The following NPRL3 variants were observed in gnomAD, a reference collection of about 807,000 sequenced individuals.
NPRL3 encodes the protein NPR3 like, GATOR1 complex subunit, also known as GATOR1 complex protein NPRL3.
In NPRL3, 23 loss-of-function variants were observed where a neutral mutation model predicts 57.2. That is an observed-to-expected ratio of 0.40 (90% CI 0.29 to 0.57). NPRL3 has a LOEUF of 0.57. Ranked by LOEUF, NPRL3 falls within the 20% of genes least tolerant of loss-of-function variation. NPRL3 has a pLI of 0.42. For missense variants in NPRL3, 691 were observed against 767.1 expected (o/e 0.90, Z 1.17); for synonymous variants, 333 against 321.1 (o/e 1.04, Z -0.39).
intron 2 of NPRL3, among the ~76,000 whole-genome samples, chr16:133,383 G>A (rs893698774): frequency 1.3e-5 from 2 of 151,856 alleles, no homozygotes; most frequent in Admixed American, 1.3e-4. Flanking sequence ...GGGCCAACAC[G>A]CCCAGCTAAT....
At chr16:100,864 G>A (rs12918303) in intron 7 of NPRL3, among the ~76,000 whole-genome samples, 54,969 of 147,730 alleles carry the variant, frequency 0.37, 11,451 homozygotes, top group Non-Finnish European at 0.48. Flanking sequence ...CCAGCTACTC[G>A]GGAGGCTGAG....
intron 2 of NPRL3, among the ~76,000 whole-genome samples, chr16:135,217 T>G (rs542575956): frequency 6.6e-6 from 1 of 152,232 alleles, no homozygotes; most frequent in Non-Finnish European, 1.5e-5. Flanking sequence ...TTTGGCCACG[T>G]TGTGGCCTGT....
At chr16:119,464 G>A (rs1417629810) in intron 3 of NPRL3, 2 of 588,734 alleles carry the variant, frequency 3.4e-6, no homozygotes, top group Non-Finnish European at 6.0e-6. Context: ...AAGGTAAAAG[G>A]CATGAGAAGC....
In NPRL3 at chr16:133,509, C is replaced by T. The variant is rs535851685; in HGVS notation, c.119-2918G>A. Among the ~76,000 whole-genome samples, 21 of 150,128 alleles carry T rather than the reference C, an allele frequency of 1.4e-4. No individual in the cohort carries two copies. In the East Asian group the frequency reaches 3.9e-3, roughly 28 times the overall value. Reference sequence around the variant, plus strand: ...CTTCCCAAAGTGCTAGGATTACAGGCATGAGCCACTGTGCCTAGCGTTGTT... The same window carrying T: ...CTTCCCAAAGTGCTAGGATTACAGGTATGAGCCACTGTGCCTAGCGTTGTT... On this transcript the variant is annotated intron_variant, in intron 2 of 13. Transcript: ENST00000611875.
intron 2 of NPRL3, among the ~76,000 whole-genome samples, chr16:136,807 C>T (rs1901110176): frequency 6.6e-6 from 1 of 151,738 alleles, no homozygotes; most frequent in African/African-American, 2.4e-5. Flanking sequence ...GGCTGGGGGC[C>T]AATAGTAGGA....
chr16:96,747 C>G (rs1260065007), intron 9 of NPRL3, among the ~76,000 whole-genome samples: 1 of 151,784 alleles, frequency 6.6e-6, no homozygotes, highest in Non-Finnish European at 1.5e-5. Context: ...ATGGCACCAC[C>G]ACATGCCAGC....
chr16:91,057 A>T (rs1898742737), intron 11 of NPRL3: 1 of 151,420 alleles, frequency 6.6e-6, no homozygotes, highest in African/African-American at 2.4e-5. Flanking sequence ...TTCAGCCTGG[A>T]CAACAAAGCA....
Position 98,168 on chromosome 16 carries a change from C to T in NPRL3, c.901G>A (p.Asp301Asn). 1 of 1,613,904 alleles carries T rather than the reference C, an allele frequency of 6.2e-7. No homozygotes were observed. The highest frequency in any genetic ancestry group is 1.3e-5 in the African/African-American group (1 of 75,076). Residue 301 changes from aspartate (D) to asparagine (N), a missense_variant, in exon 9 of 14, where the codon GAT becomes AAT. Physicochemically the swap from Asp to Asn is conservative, Grantham distance 23. Transcript: ENST00000611875. ...ACCTGCAGCAAGGCCAGGTCCGCAT[C>T]TTGGGCTAGCTGCTGCAGGTTCTTC... The part of the protein sequence containing the change: ...AVKNLQQLAQ[D>N]ADLALLQVFQ...
chr16:136,156 G>A (rs1192732058), intron 2 of NPRL3, among the ~76,000 whole-genome samples: 2 of 152,206 alleles, frequency 1.3e-5, no homozygotes. Context: ...ACAATACCTG[G>A]AAAGAACGTT....
chr16:135,476 G>A (rs1304894393), intron 2 of NPRL3, among the ~76,000 whole-genome samples: 2 of 152,070 alleles, frequency 1.3e-5, no homozygotes, highest in African/African-American at 4.8e-5. Context: ...AGGCGTGGTG[G>A]CACGCACCTG....
chr16:137,222 AAAAT>A (rs905104830), intron 2 of NPRL3, among the ~76,000 whole-genome samples: 15 of 152,168 alleles, frequency 9.9e-5, no homozygotes, highest in African/African-American at 2.9e-4. Context: ...TCCGTCTCAA[AAAAT>A]AAATAAAATA....
Position 98,021 on chromosome 16 carries a change from T to C in NPRL3, c.924+124A>G. On this transcript the variant is annotated intron_variant, in intron 9 of 13. Coordinates refer to ENST00000611875, the MANE Select transcript of NPRL3 (RefSeq NM_001077350.3). ...CATCCCAGGGACTGGCCCCACCCCATGGTGGGCTGTGCCGCGGCTCTCAGC... is the reference window on the plus strand; with the variant it reads ...CATCCCAGGGACTGGCCCCACCCCACGGTGGGCTGTGCCGCGGCTCTCAGC... 4 of 1,201,458 alleles carry C rather than the reference T, an allele frequency of 3.3e-6. No individual in the cohort carries two copies. In the South Asian group the frequency reaches 4.3e-5, roughly 13 times the overall value. The allele number at this position is 1,201,458 out of a possible 1,614,324, so 74.4% of individuals were successfully genotyped here.
At position 92,634 on chromosome 16, in the gene NPRL3, A is replaced by ACAAGGAGACCGG. The variant is rs780621579; in HGVS notation, c.1111_1122dup (p.Pro371_Leu374dup). 1.9e-6 allele frequency: 3 copies of ACAAGGAGACCGG among 1,613,492 alleles called. No individual in the cohort carries two copies. The highest frequency in any genetic ancestry group is 1.7e-6 in the Non-Finnish European group (2 of 1,179,756). On this transcript the variant is annotated inframe_insertion, in exon 11 of 14. Coordinates refer to ENST00000611875, the MANE Select transcript of NPRL3 (RefSeq NM_001077350.3). ...GGGGCCAGGGGATTCCTAAATTCTG[A>ACAAGGAGACCGG]CAAGGAGACCGGCAAGGAGAACTTG...
At chr16:111,681 G>A (rs1400616044) in intron 6 of NPRL3, among the ~76,000 whole-genome samples, 1 of 151,928 alleles carries the variant, frequency 6.6e-6, no homozygotes, top group African/African-American at 2.4e-5. Context: ...CTGAATTCCC[G>A]AGCTCAAGCA....
intron 7 of NPRL3, among the ~76,000 whole-genome samples, chr16:105,918 GAGCGATTC>G (rs1194114452): frequency 6.6e-6 from 1 of 152,200 alleles, no homozygotes; most frequent in Non-Finnish European, 1.5e-5. Flanking sequence ...GTGGCCTCCT[GAGCGATTC>G]ACATTCCCAG....
At position 105,057 on chromosome 16, in the gene NPRL3, ACTC is replaced by A. The variant is rs200305712; in HGVS notation, c.630-4551_630-4549del. On this transcript the variant is annotated intron_variant, in intron 7 of 13. Coordinates refer to ENST00000611875, the MANE Select transcript of NPRL3 (RefSeq NM_001077350.3). ...GTGTTTAATGGTTTGGTCTGAAAAC[ACTC>A]TGGAGGAAAACACTGTCCTCCTCAA... Among the ~76,000 whole-genome samples, 719 of 152,172 alleles carry A rather than the reference ACTC, an allele frequency of 4.7e-3. 24 individuals are homozygous for A. Among genetic ancestry groups the A allele is most frequent in the Admixed American group, 0.043 (657 of 15,276 alleles).
At chr16:88,628 T>A in intron 13 of NPRL3, 70 bp downstream of exon 13, 1 of 1,364,362 alleles carries the variant, frequency 7.3e-7, no homozygotes, top group Non-Finnish European at 1.0e-6. Context: ...TTCTGTTGCG[T>A]ACGTCCCTAT....
At chr16:92,368 AG>A (rs1898796905) in intron 11 of NPRL3, among the ~76,000 whole-genome samples, 1 of 152,180 alleles carries the variant, frequency 6.6e-6, no homozygotes, top group Non-Finnish European at 1.5e-5. Flanking sequence ...CTCTATGGGG[AG>A]GGAACAACTG....
At chr16:116,799 C>CT (rs1555443766) in intron 5 of NPRL3, among the ~76,000 whole-genome samples, 2 of 145,214 alleles carry the variant, frequency 1.4e-5, no homozygotes, top group Non-Finnish European at 3.1e-5. Flanking sequence ...CCCCCCCCCC[C>CT]ACCGATCTCT....
Sources: gnomAD v4.1 joint callset for allele counts (sites outside exome capture counted in the v4.1 genomes callset) on GRCh38, gnomAD v4.1.1 for gene constraint, MANE v1.5 for transcripts, NCBI Gene and HGNC (gene_info 2026-07-23, HGNC 2026-07-21) for gene names.